COTL1: variants seen among roughly 807,000 people sequenced by gnomAD.
The protein encoded by COTL1 is coactosin-like protein.
COTL1 carries 15 observed loss-of-function variants against 16.5 expected under a neutral mutation model. The observed-to-expected ratio is 0.91, with a 90% CI of 0.61 to 1.40. The LOEUF (loss-of-function observed/expected upper bound fraction) is 1.40, where lower values mean the gene tolerates loss of function less well. COTL1 is among the 40% of genes most tolerant of loss of function. The probability of loss-of-function intolerance (pLI) is 0.00; values close to 1 mark genes in which losing one functional copy is unlikely to be tolerated. For missense variants in COTL1, 220 were observed against 201.5 expected, an observed-to-expected ratio of 1.09 and a Z score of -0.56; for synonymous variants, 112 against 85.3, an observed-to-expected ratio of 1.31 and a Z score of -1.73.
At chr16:84,585,596 T>C (rs1335558107) in intron 3 of COTL1, among the ~76,000 whole-genome samples, 1 of 152,164 alleles carries the variant, frequency 6.6e-6, no homozygotes, top group Non-Finnish European at 1.5e-5. Context: ...CCCCAAGACA[T>C]GGCACCCGGA....
chr16:84,572,756 T>G (rs1904360501), intron 3 of COTL1, among the ~76,000 whole-genome samples: 1 of 151,454 alleles, frequency 6.6e-6, no homozygotes. Context: ...TTCTTTCCTT[T>G]TTTTTCTTAG....
At chr16:84,571,843 C>T (rs1167597151) in intron 3 of COTL1, among the ~76,000 whole-genome samples, 2 of 152,220 alleles carry the variant, frequency 1.3e-5, no homozygotes, top group Admixed American at 1.3e-4. Flanking sequence ...GCCGCTCCCA[C>T]CTTCTATAGG....
chr16:84,575,838 G>C (rs920403686), intron 3 of COTL1: 1 of 152,230 alleles, frequency 6.6e-6, no homozygotes, highest in African/African-American at 2.4e-5. Flanking sequence ...GACAATAGCA[G>C]CTTCACATCC....
chr16:84,608,138 G>A (rs898154249), intron 2 of COTL1, among the ~76,000 whole-genome samples: 1 of 151,994 alleles, frequency 6.6e-6, no homozygotes, highest in Non-Finnish European at 1.5e-5. Flanking sequence ...CCTAGACATA[G>A]AGCTCCATGC....
intron 2 of COTL1, among the ~76,000 whole-genome samples, chr16:84,603,336 G>C (rs1905139346): frequency 6.6e-6 from 1 of 152,224 alleles, no homozygotes; most frequent in Non-Finnish European, 1.5e-5. Flanking sequence ...AAAGGACTGA[G>C]GCAACGAAGT....
At chr16:84,581,150 CAA>C (rs1904580675) in intron 3 of COTL1, among the ~76,000 whole-genome samples, 1 of 79,418 alleles carries the variant, frequency 1.3e-5, no homozygotes, top group Non-Finnish European at 2.7e-5. Context: ...TAAAAACAAA[CAA>C]ACAAACAAAT....
chr16:84,580,676 C>G (rs1022687137), intron 3 of COTL1, among the ~76,000 whole-genome samples: 1 of 152,200 alleles, frequency 6.6e-6, no homozygotes, highest in Non-Finnish European at 1.5e-5. Context: ...CTCACCTTGG[C>G]TCAAGAACTA....
intron 3 of COTL1, among the ~76,000 whole-genome samples, chr16:84,583,429 G>T (rs1302456727): frequency 1.3e-5 from 2 of 152,096 alleles, no homozygotes; most frequent in Non-Finnish European, 2.9e-5. Context: ...AAATGAAGCC[G>T]ATCCTGCCCC....
chr16:84,590,103 A>ACCTGTACGACCT lies in COTL1; in HGVS notation c.308_318+1dup. The ACCTGTACGACCT allele has an allele frequency of 6.2e-7, 1 of 1,612,146 alleles. No homozygotes were observed. Among genetic ancestry groups the ACCTGTACGACCT allele is most frequent in the Non-Finnish European group, 8.5e-7 (1 of 1,178,592 alleles). On this transcript the variant is annotated splice_donor_variant, in intron 3 of 3. Coordinates refer to ENST00000262428, the MANE Select transcript of COTL1 (RefSeq NM_021149.5). LOFTEE classifies it high-confidence loss of function. The surrounding 1 kb of genome is among the most constrained non-coding windows in gnomAD (Gnocchi z 5.5). ...CCTCCAGACTCTGGAGGAACTCAGT[A>ACCTGTACGACCT]CCTGTACGACCTCCTTCACCAGGGT...
chr16:84,566,943 C>G lies in COTL1; in HGVS notation c.331G>C (p.Glu111Gln). Reference protein sequence around the residue: ...VKEVVQNFAKEFVISDRKELE... With the variant: ...VKEVVQNFAKQFVISDRKELE... ...TCCTTCCGATCACTGATCACAAACT[C>G]CTTAGCGAAATTCTGCAAGAACAAA... The change falls in exon 4 of 4, where the codon GAG becomes CAG. Residue 111 changes from glutamate (E) to glutamine (Q), a missense_variant. Transcript: ENST00000262428. 13 of 1,613,048 alleles carry G rather than the reference C, an allele frequency of 8.1e-6. No homozygotes were observed. The highest frequency in any genetic ancestry group is 1.1e-5 in the Non-Finnish European group (13 of 1,179,080).
At chr16:84,599,286 C>T (rs540469861) in intron 2 of COTL1, among the ~76,000 whole-genome samples, 1 of 152,356 alleles carries the variant, frequency 6.6e-6, no homozygotes, top group South Asian at 2.1e-4. Flanking sequence ...GACCAAACCC[C>T]CGAGGAAGGA....
Position 84,617,554 on chromosome 16 carries a change from A to C in COTL1, c.107T>G (p.Ile36Ser). 2 of 1,558,504 alleles carry C rather than the reference A, an allele frequency of 1.3e-6. No homozygotes were observed. The highest frequency in any genetic ancestry group is 1.7e-6 in the Non-Finnish European group (2 of 1,150,560). The change falls in exon 2 of 4, where the codon ATC becomes AGC. Residue 36 changes from isoleucine (I) to serine (S), a missense_variant. Transcript: ENST00000262428. ...WVTFKYDGST[I>S]VPGEQGAEYQ... ...CTCCGCTCCCTGCTCGCCGGGGACG[A>C]TGGTGGAGCCGTCATATTTAAAAGT...
chr16:84,615,725 C>G (rs72795472), intron 2 of COTL1, among the ~76,000 whole-genome samples: 3,534 of 152,288 alleles, frequency 0.023, 62 homozygotes, highest in Non-Finnish European at 0.036. Context: ...GGACGGAGGC[C>G]TGGGTTCAAA....
chr16:84,617,479 C>T lies in COTL1; in HGVS notation c.160+22G>A, dbSNP rs1354402368. ...CAACCTCCCAACGACCGCGCATCCGCCCGGCAGGCGCGCCTCCCTACCTGT... is the reference window on the plus strand; with the variant it reads ...CAACCTCCCAACGACCGCGCATCCGTCCGGCAGGCGCGCCTCCCTACCTGT... On this transcript the variant is annotated intron_variant, in intron 2 of 3. Coordinates refer to ENST00000262428, the MANE Select transcript of COTL1 (RefSeq NM_021149.5). 2.6e-6 allele frequency: 4 copies of T among 1,547,846 alleles called. No homozygotes were observed. In the African/African-American group the frequency reaches 4.1e-5, roughly 16 times the overall value.
At chr16:84,570,263 A>G (rs902600339) in intron 3 of COTL1, among the ~76,000 whole-genome samples, 3 of 152,244 alleles carry the variant, frequency 2.0e-5, no homozygotes, top group Admixed American at 6.5e-5. Flanking sequence ...CAACAGAGCG[A>G]GATTCCATCT....
At chr16:84,615,558 C>G (rs968526307) in intron 2 of COTL1, among the ~76,000 whole-genome samples, 21 of 152,222 alleles carry the variant, frequency 1.4e-4, no homozygotes, top group African/African-American at 5.1e-4. Context: ...AGGAAAGAAG[C>G]TGAATTTAGG....
chr16:84,599,353 GAAC>G (rs1258611061), intron 2 of COTL1, among the ~76,000 whole-genome samples: 1 of 152,152 alleles, frequency 6.6e-6, no homozygotes, highest in African/African-American at 2.4e-5. Flanking sequence ...CAAATGTTTT[GAAC>G]AACCTTTTTT....
chr16:84,617,655 A>T, intron 1 of COTL1, 72 bp from the exon 2 acceptor site: 2 of 1,478,820 alleles, frequency 1.4e-6, no homozygotes, highest in East Asian at 4.9e-5. Flanking sequence ...GCGCTTGCAG[A>T]GGACAATCTA....
At position 84,617,638 on chromosome 16, in the gene COTL1, C is replaced by T. The variant is rs191019807; in HGVS notation, c.78-55G>A. ...ACACACATCAGCGCTGGTGGCCGCGCGACGCGGCGCTTGCAGAGGACAATC... is the reference window on the plus strand; with the variant it reads ...ACACACATCAGCGCTGGTGGCCGCGTGACGCGGCGCTTGCAGAGGACAATC... On this transcript the variant is annotated intron_variant, in intron 1 of 3. Transcript: ENST00000262428. 3.5e-5 allele frequency: 53 copies of T among 1,514,264 alleles called. No homozygotes were observed. In the East Asian group the frequency reaches 1.2e-3, roughly 34 times the overall value. The allele number at this position is 1,514,264 out of a possible 1,614,324, so 93.8% of individuals were successfully genotyped here. A position where few individuals can be genotyped will look rare whatever the true frequency, so the allele number is the denominator to read the frequency against.
Sources: allele counts gnomAD v4.1 joint callset (sites outside exome capture counted in the v4.1 genomes callset), GRCh38; gene constraint gnomAD v4.1.1; non-coding constraint Gnocchi (gnomAD v3.1); transcripts MANE v1.5; gene names NCBI Gene and HGNC (gene_info 2026-07-23, HGNC 2026-07-21).